Variants in TEX14 observed in about 807,000 individuals in gnomAD.
The protein encoded by TEX14 is testis expressed 14, intercellular bridge forming factor, also known as inactive serine/threonine-protein kinase TEX14.
In TEX14, 168 loss-of-function variants were observed where a neutral mutation model predicts 178.6. The observed-to-expected ratio is 0.94, with a 90% confidence interval of 0.83 to 1.07. The LOEUF is 1.07. Among genes scored for constraint, TEX14 ranks in the 50% least tolerant of loss-of-function variants. The probability of loss-of-function intolerance (pLI) is 0.00; values close to 1 mark genes in which losing one functional copy is unlikely to be tolerated. For synonymous variants in TEX14, 626 were observed against 634.1 expected (o/e 0.99, Z 0.19); for missense variants, 1,730 against 1,753.6 (o/e 0.99, Z 0.24).
At chr17:58,626,785 C>T (rs562297211) in intron 3 of TEX14, among the ~76,000 whole-genome samples, 110 of 151,756 alleles carry the variant, frequency 7.2e-4, no homozygotes, top group Non-Finnish European at 1.2e-3. Context: ...GCAGGAGAAT[C>T]GCTTGAACCC....
intron 15 of TEX14, among the ~76,000 whole-genome samples, chr17:58,593,325 T>C (rs2045202480): frequency 6.6e-6 from 1 of 152,246 alleles, no homozygotes; most frequent in Non-Finnish European, 1.5e-5. Context: ...TAACAACTGA[T>C]GAGTTCTGTC....
At chr17:58,574,306 A>G in intron 21 of TEX14, 57 bp from the exon 22 acceptor site, 3 of 1,349,716 alleles carry the variant, frequency 2.2e-6, no homozygotes, top group South Asian at 2.3e-5. Flanking sequence ...AAAGTACACT[A>G]ACTACTTGCT....
Position 58,587,940 on chromosome 17 carries a change from C to T in TEX14, c.2658G>A (p.Arg886=). 6.2e-7 allele frequency: 1 copy of T among 1,613,536 alleles called. No individual in the cohort carries two copies. The highest frequency in any genetic ancestry group is 8.5e-7 in the Non-Finnish European group (1 of 1,179,672). The change falls in exon 16 of 32, where the codon CGG becomes CGA. Residue 886 remains arginine, a synonymous_variant. Transcript: ENST00000349033. ...NSALFTLSSH[R]QGPSASPSCH... is the part of the protein sequence containing the mutation. ...AGCTGGGTGATGCAGAAGGTCCCTG[C>T]CGGTGGCTTGACAGAGTGAAGAGTG...
intron 1 of TEX14, among the ~76,000 whole-genome samples, chr17:58,653,228 G>T (rs1431350619): frequency 6.6e-6 from 1 of 152,280 alleles, no homozygotes; most frequent in Non-Finnish European, 1.5e-5. Context: ...GAGCCACGGC[G>T]CCTGGTCTGA....
intron 14 of TEX14, among the ~76,000 whole-genome samples, chr17:58,596,751 A>G (rs1352571592): frequency 6.6e-6 from 1 of 151,738 alleles, no homozygotes; most frequent in Non-Finnish European, 1.5e-5. Flanking sequence ...AGAAATAAAT[A>G]CCAGCCGGGC....
intron 3 of TEX14, 106 bp downstream of exon 3, chr17:58,630,328 TTATAGG>T (rs1300551754): frequency 1.9e-5 from 14 of 743,986 alleles, no homozygotes; most frequent in Non-Finnish European, 3.2e-5. Flanking sequence ...AGTGCTGGGA[TTATAGG>T]TATGAGACAC....
rs190918305 is a variant in TEX14 at position 58,633,690 on chromosome 17, C to T, written c.137-3136G>A. Reference sequence around the variant, plus strand: ...AAAAACACAAAAATTAGCCGGGGGCCGGGCGCAGTGGCTCACGCCTGTAAT... The same window carrying T: ...AAAAACACAAAAATTAGCCGGGGGCTGGGCGCAGTGGCTCACGCCTGTAAT... On this transcript the variant is annotated intron_variant, in intron 2 of 31. Transcript: ENST00000349033. Among the ~76,000 whole-genome samples the T allele has an allele frequency of 1.1e-4, 16 of 151,982 alleles. No homozygotes were observed. In the East Asian group the frequency reaches 2.5e-3, roughly 24 times the overall value.
chr17:58,666,527 C>T (rs374285976), intron 1 of TEX14: 2 of 135,644 alleles, frequency 1.5e-5, no homozygotes, highest in Non-Finnish European at 3.1e-5. Context: ...TGCATTTCAA[C>T]TACCACAACC....
At chr17:58,644,800 G>A (rs116132225) in intron 2 of TEX14, among the ~76,000 whole-genome samples, 1,650 of 149,440 alleles carry the variant, frequency 0.011, 29 homozygotes, top group African/African-American at 0.039. Context: ...ATAGGCGCCC[G>A]CCACCACGCC....
At chr17:58,649,389 C>T (rs2046791797) in intron 2 of TEX14, among the ~76,000 whole-genome samples, 2 of 152,064 alleles carry the variant, frequency 1.3e-5, no homozygotes, top group African/African-American at 4.8e-5. Context: ...CCTGTGAATA[C>T]TTTTTAAAGA....
intron 12 of TEX14, among the ~76,000 whole-genome samples, 190 bp from the exon 13 acceptor site, chr17:58,602,146 G>T (rs533503385): frequency 6.6e-6 from 1 of 152,260 alleles, no homozygotes; most frequent in East Asian, 1.9e-4. Flanking sequence ...ACCATTCACT[G>T]AATCTCCACT....
At chr17:58,659,081 TACA>T (rs894244910) in intron 1 of TEX14, among the ~76,000 whole-genome samples, 11 of 113,000 alleles carry the variant, frequency 9.7e-5, no homozygotes, top group Non-Finnish European at 1.9e-4. Flanking sequence ...CGCGCGCCAC[TACA>T]ACAACTCTGA....
At chr17:58,631,454 T>C (rs890993914) in intron 2 of TEX14, among the ~76,000 whole-genome samples, 7 of 151,900 alleles carry the variant, frequency 4.6e-5, no homozygotes, top group Admixed American at 2.0e-4. Context: ...AGCTCAAAAA[T>C]AAAAATGCAC....
intron 19 of TEX14, among the ~76,000 whole-genome samples, chr17:58,583,631 C>G (rs1169741124): frequency 6.6e-6 from 1 of 152,180 alleles, no homozygotes; most frequent in Non-Finnish European, 1.5e-5. Context: ...CCACACACTT[C>G]CCTTCCTGTG....
At chr17:58,677,152 G>A (rs993026001) in intron 1 of TEX14, among the ~76,000 whole-genome samples, 1 of 151,290 alleles carries the variant, frequency 6.6e-6, no homozygotes, top group Non-Finnish European at 1.5e-5. Flanking sequence ...TTAGCCAGCC[G>A]TGGTGGCACA....
chr17:58,623,800 A>G (rs1321868204), intron 3 of TEX14, among the ~76,000 whole-genome samples: 1 of 130,356 alleles, frequency 7.7e-6, no homozygotes, highest in East Asian at 2.7e-4. Context: ...AAGATGAAGA[A>G]GAGGAGGAGG....
intron 28 of TEX14, among the ~76,000 whole-genome samples, chr17:58,562,194 G>A (rs2044286874): frequency 6.6e-6 from 1 of 152,220 alleles, no homozygotes; most frequent in Non-Finnish European, 1.5e-5. Context: ...CAAGTCTGAT[G>A]GTAGACTCTG....
intron 2 of TEX14, among the ~76,000 whole-genome samples, chr17:58,638,649 C>T (rs2046495389): frequency 3.9e-5 from 6 of 151,942 alleles, no homozygotes; most frequent in Admixed American, 3.9e-4. Context: ...AGCAGTTCTC[C>T]TGCCTCAACC....
intron 1 of TEX14, among the ~76,000 whole-genome samples, chr17:58,689,038 C>T (rs1025223809): frequency 6.6e-6 from 1 of 152,042 alleles, no homozygotes; most frequent in Non-Finnish European, 1.5e-5. Context: ...TCACACCATT[C>T]TCCTGCCTCA....
Sources: allele counts gnomAD v4.1 joint callset (sites outside exome capture counted in the v4.1 genomes callset), GRCh38; gene constraint gnomAD v4.1.1; transcripts MANE v1.5; gene names NCBI Gene and HGNC (gene_info 2026-07-23, HGNC 2026-07-21).